Variants in GABRB2 observed in about 807,000 individuals in gnomAD.
The protein encoded by GABRB2 is gamma-aminobutyric acid type A receptor subunit beta2.
A neutral mutation model predicts 54.7 loss-of-function variants in GABRB2; 16 were observed. The ratio of observed to expected loss-of-function variants is 0.29; its 90% CI spans 0.20 to 0.44. GABRB2 has a LOEUF of 0.44. GABRB2 is among the 20% of genes least tolerant of loss of function. GABRB2 has a pLI of 1.00. For synonymous variants in GABRB2, 244 were observed against 233.8 expected (o/e 1.04, Z -0.40); for missense variants, 355 against 644.0 (o/e 0.55, Z 4.86).
At chr5:161,496,940 T>A (rs771662839) in intron 3 of GABRB2, among the ~76,000 whole-genome samples, 1 of 152,284 alleles carries the variant, frequency 6.6e-6, no homozygotes, top group African/African-American at 2.4e-5. Context: ...AAACTGCTTA[T>A]AATAAGGCTG....
At chr5:161,522,165 T>C (rs1411141159) in intron 3 of GABRB2, among the ~76,000 whole-genome samples, 2 of 151,868 alleles carry the variant, frequency 1.3e-5, no homozygotes, top group Non-Finnish European at 3.0e-5. Context: ...AAGCTCTTGA[T>C]AGCCTCATGT....
At position 161,458,252 on chromosome 5, in the gene GABRB2, C is replaced by T. The variant is rs554042644; in HGVS notation, c.458+1372G>A. On this transcript the variant is annotated intron_variant, in intron 4 of 9. Coordinates refer to ENST00000393959, the MANE Select transcript of GABRB2 (RefSeq NM_001371727.1). ...ACACAATTCTTTCCATTAGTACTTT[C>T]GAAGTCCACCACTTCAGTAGAATCT... is the stretch of plus-strand genomic sequence containing the variant. 5.3e-5 allele frequency among the ~76,000 whole-genome samples: 8 copies of T among 152,254 alleles called. No individual in the cohort carries two copies. The East Asian group carries it at 1.4e-3, about 26-fold the overall frequency.
At chr5:161,430,216 G>T (rs963143076) in intron 4 of GABRB2, among the ~76,000 whole-genome samples, 1 of 152,092 alleles carries the variant, frequency 6.6e-6, no homozygotes, top group Non-Finnish European at 1.5e-5. Flanking sequence ...CTCACTGAAG[G>T]TTAAGGATTT....
intron 5 of GABRB2, among the ~76,000 whole-genome samples, chr5:161,344,215 A>T (rs1055825242): frequency 3.9e-5 from 6 of 152,204 alleles, no homozygotes; most frequent in Non-Finnish European, 5.9e-5. Context: ...TTCCTTTACA[A>T]GGAATAGGAG....
At chr5:161,341,711 A>G (rs1754162827) in intron 5 of GABRB2, among the ~76,000 whole-genome samples, 2 of 151,456 alleles carry the variant, frequency 1.3e-5, no homozygotes, top group Admixed American at 6.6e-5. Context: ...ATAACTAAAT[A>G]TGATCTCACA....
intron 5 of GABRB2, among the ~76,000 whole-genome samples, chr5:161,394,716 C>T (rs1458141874): frequency 6.6e-6 from 1 of 152,020 alleles, no homozygotes; most frequent in African/African-American, 2.4e-5. Flanking sequence ...TTGTCAAGAA[C>T]TTACTCAAAA....
chr5:161,530,227 C>A (rs1449825474), intron 3 of GABRB2, among the ~76,000 whole-genome samples: 2 of 152,078 alleles, frequency 1.3e-5, no homozygotes, highest in Non-Finnish European at 1.5e-5. Flanking sequence ...CGTATTTTGT[C>A]CAAATCTGGG....
In GABRB2 at chr5:161,352,438, G is replaced by A. The variant is rs373990274; in HGVS notation, c.542-15669C>T. On this transcript the variant is annotated intron_variant, in intron 5 of 9. Coordinates refer to ENST00000393959, the MANE Select transcript of GABRB2 (RefSeq NM_001371727.1). ...ATGAACCTAGAGGACATTATGTTAAGTGAAATAAGGCAAGAACAGAAAGAC... is the reference window on the plus strand; with the variant it reads ...ATGAACCTAGAGGACATTATGTTAAATGAAATAAGGCAAGAACAGAAAGAC... Among the ~76,000 whole-genome samples, 8 of 152,084 alleles carry A rather than the reference G, an allele frequency of 5.3e-5. No individual in the cohort carries two copies. The East Asian group carries it at 1.5e-3, about 29-fold the overall frequency.
chr5:161,542,343 A>G (rs1760846624), intron 3 of GABRB2, among the ~76,000 whole-genome samples: 1 of 152,242 alleles, frequency 6.6e-6, no homozygotes, highest in African/African-American at 2.4e-5. Context: ...CAAGGTTGCC[A>G]CAAACCTTCA....
At chr5:161,415,452 T>C (rs1370394077) in intron 4 of GABRB2, among the ~76,000 whole-genome samples, 1 of 152,138 alleles carries the variant, frequency 6.6e-6, no homozygotes, top group Admixed American at 6.5e-5. Flanking sequence ...AACAAATACA[T>C]AGCACAGCCT....
chr5:161,353,904 T>C (rs1387769820), intron 5 of GABRB2, among the ~76,000 whole-genome samples: 1 of 151,990 alleles, frequency 6.6e-6, no homozygotes, highest in Non-Finnish European at 1.5e-5. Context: ...AATAGTGCAA[T>C]TTTTTTGACT....
At chr5:161,501,910 A>C (rs914707119) in intron 3 of GABRB2, among the ~76,000 whole-genome samples, 4 of 148,880 alleles carry the variant, frequency 2.7e-5, no homozygotes, top group Non-Finnish European at 5.9e-5. Context: ...TCATTATTAA[A>C]ATTATTTTAT....
At chr5:161,319,570 A>C (rs959197303) in intron 9 of GABRB2, among the ~76,000 whole-genome samples, 1 of 151,442 alleles carries the variant, frequency 6.6e-6, no homozygotes, top group Non-Finnish European at 1.5e-5. Context: ...ATCAATTTCA[A>C]AAAAATTTTC....
rs1757217105 is a variant in GABRB2 at position 161,290,786 on chromosome 5, A to C, written c.*3295T>G. The C allele has an allele frequency of 6.6e-6, 1 of 152,572 alleles. No homozygotes were observed. The highest frequency in any genetic ancestry group is 1.5e-5 in the Non-Finnish European group (1 of 67,996). The allele number at this position is 152,572 out of a possible 1,614,324, so 9.5% of individuals were successfully genotyped here. On this transcript the variant is annotated 3_prime_UTR_variant, in exon 10 of 10. Coordinates refer to ENST00000393959, the MANE Select transcript of GABRB2 (RefSeq NM_001371727.1). ...AAAATGGAAATTATCTTAGTTGCCA[A>C]TTTAATGCAAGTCTTGCTTTAAACA...
intron 4 of GABRB2, among the ~76,000 whole-genome samples, chr5:161,434,740 C>T (rs998303547): frequency 4.6e-5 from 7 of 152,148 alleles, no homozygotes; most frequent in East Asian, 1.9e-4. Flanking sequence ...TTATTTTTTA[C>T]ACTTCCTCAT....
At chr5:161,329,972 A>C (rs1000714676) in intron 8 of GABRB2, 1 of 152,204 alleles carries the variant, frequency 6.6e-6, no homozygotes, top group Admixed American at 6.5e-5. Context: ...TACCATCAAA[A>C]ACCTTAAAGT....
chr5:161,472,362 C>A (rs1348353814), intron 3 of GABRB2, among the ~76,000 whole-genome samples: 1 of 151,442 alleles, frequency 6.6e-6, no homozygotes, highest in Non-Finnish European at 1.5e-5. Context: ...TGATTCTGAC[C>A]CATCCTTCGC....
chr5:161,476,415 G>A (rs1758592758), intron 3 of GABRB2, among the ~76,000 whole-genome samples: 1 of 151,628 alleles, frequency 6.6e-6, no homozygotes, highest in Non-Finnish European at 1.5e-5. Context: ...ATAGCACTAT[G>A]GTATTTATTT....
chr5:161,521,825 A>G (rs1393859891), intron 3 of GABRB2, among the ~76,000 whole-genome samples: 1 of 151,874 alleles, frequency 6.6e-6, no homozygotes, highest in Non-Finnish European at 1.5e-5. Context: ...AAAGTCATAA[A>G]TCTCTGCCTC....
Sources: allele counts gnomAD v4.1 joint callset (sites outside exome capture counted in the v4.1 genomes callset), GRCh38; gene constraint gnomAD v4.1.1; transcripts MANE v1.5; gene names NCBI Gene and HGNC (gene_info 2026-07-23, HGNC 2026-07-21).